The following GALNT13 variants were observed in gnomAD, a reference collection of about 807,000 sequenced individuals.
The protein encoded by GALNT13 is UDP-GalNAc:polypeptide N-acetylgalactosaminyltransferase 13.
In GALNT13, 28 loss-of-function variants were observed where a neutral mutation model predicts 64.2. That is an observed-to-expected ratio of 0.44 (90% CI 0.32 to 0.60). The LOEUF is 0.60. GALNT13 is among the 20% of genes least tolerant of loss of function. The probability of loss-of-function intolerance (pLI) is 0.05; values close to 1 mark genes in which losing one functional copy is unlikely to be tolerated. For synonymous variants in GALNT13, 214 were observed against 224.6 expected, an observed-to-expected ratio of 0.95 and a Z score of 0.42; for missense variants, 577 against 669.8, an observed-to-expected ratio of 0.86 and a Z score of 1.53.
Position 153,996,178 on chromosome 2 carries a change from T to C in GALNT13, c.142+51539T>C, listed in dbSNP as rs139350775. Among the ~76,000 whole-genome samples the C allele has an allele frequency of 2.7e-3, 413 of 152,308 alleles. 2 individuals are homozygous for C. The highest frequency in any genetic ancestry group is 6.8e-3 in the Middle Eastern group (2 of 294). Reference sequence around the variant, plus strand: ...CTTCAGCATACTGATTTCATTTTCTTTGGATAAATACCCAGTAATGAAATT... The same window carrying C: ...CTTCAGCATACTGATTTCATTTTCTCTGGATAAATACCCAGTAATGAAATT... On this transcript the variant is annotated intron_variant, in intron 3 of 12. Transcript: ENST00000392825.
chr2:153,731,386 C>T, the GALNT13 span, among the ~76,000 whole-genome samples: 1 of 151,746 alleles, frequency 6.6e-6, no homozygotes, highest in African/African-American at 2.4e-5. Flanking sequence ...AAATTATCTA[C>T]TGGGTACAAT....
the GALNT13 span, among the ~76,000 whole-genome samples, chr2:153,078,861 A>T: frequency 1.3e-5 from 2 of 152,048 alleles, no homozygotes; most frequent in African/African-American, 4.8e-5. Flanking sequence ...TGATTATATA[A>T]TTTCTTAATA....
chr2:154,185,525 T>G (rs562304397), intron 4 of GALNT13, among the ~76,000 whole-genome samples: 6 of 152,018 alleles, frequency 3.9e-5, no homozygotes, highest in South Asian at 4.1e-4. Flanking sequence ...CCCTATAGGT[T>G]TTCTTCACTT....
At chr2:153,226,759 A>G in the GALNT13 span, among the ~76,000 whole-genome samples, 4 of 152,240 alleles carry the variant, frequency 2.6e-5, no homozygotes, top group Admixed American at 2.0e-4. Flanking sequence ...CACTAAAACC[A>G]AAAGAGAACA....
At chr2:153,118,834 G>A in the GALNT13 span, among the ~76,000 whole-genome samples, 1 of 152,120 alleles carries the variant, frequency 6.6e-6, no homozygotes, top group African/African-American at 2.4e-5. Context: ...TTGAAGTACA[G>A]AGAGGTTAAA....
chr2:153,646,690 C>T, the GALNT13 span, among the ~76,000 whole-genome samples: 2 of 152,028 alleles, frequency 1.3e-5, no homozygotes, highest in African/African-American at 4.8e-5. Flanking sequence ...TCAATTCCCG[C>T]CTATGAGTGA....
intron 11 of GALNT13, among the ~76,000 whole-genome samples, chr2:154,417,521 A>ATTTTTTTTTTTTTTTT (rs1238225224): frequency 2.2e-5 from 3 of 139,052 alleles, no homozygotes; most frequent in Non-Finnish European, 3.1e-5. Context: ...TTATTTATTT[A>ATTTTTTTTTTTTTTTT]TTTTTTTGAG....
intron 4 of GALNT13, among the ~76,000 whole-genome samples, chr2:154,197,957 T>C (rs528216662): frequency 6.6e-6 from 1 of 151,090 alleles, no homozygotes; most frequent in African/African-American, 2.4e-5. Flanking sequence ...AAAACCGTAA[T>C]AAACCCCATT....
intron 3 of GALNT13, among the ~76,000 whole-genome samples, chr2:154,016,874 AAG>A (rs1697045129): frequency 6.6e-6 from 1 of 152,238 alleles, no homozygotes; most frequent in African/African-American, 2.4e-5. Context: ...GTTGAAAAGA[AAG>A]AGTGATCGGT....
At chr2:154,394,844 A>G (rs1015471655) in intron 9 of GALNT13, among the ~76,000 whole-genome samples, 8 of 152,228 alleles carry the variant, frequency 5.3e-5, no homozygotes, top group Non-Finnish European at 1.0e-4. Context: ...TGGCTGCTTC[A>G]GCATCAGAAT....
In GALNT13 at chr2:153,912,503, G is replaced by A. The variant is rs542800642; in HGVS notation, c.-105+11496G>A. 4.6e-5 allele frequency among the ~76,000 whole-genome samples: 7 copies of A among 152,226 alleles called. No homozygotes were observed. The South Asian group carries it at 1.5e-3, about 32-fold the overall frequency. On this transcript the variant is annotated intron_variant, in intron 2 of 12. Coordinates refer to ENST00000392825, the MANE Select transcript of GALNT13 (RefSeq NM_052917.4). ...CTCTTGCTTTTTTTGAGCTGTCAGA[G>A]TTCTTGTGCTGGTTCTTTCTCATCT...
intron 9 of GALNT13, among the ~76,000 whole-genome samples, chr2:154,360,732 G>A (rs909558917): frequency 1.3e-5 from 2 of 152,052 alleles, no homozygotes; most frequent in Admixed American, 1.3e-4. Context: ...GTAACATACT[G>A]TGTACTAGAA....
intron 8 of GALNT13, among the ~76,000 whole-genome samples, chr2:154,280,928 C>T (rs941109879): frequency 1.3e-5 from 2 of 152,174 alleles, no homozygotes; most frequent in African/African-American, 4.8e-5. Context: ...CATCCACATA[C>T]AATTTTTTTC....
At chr2:153,310,425 T>C in the GALNT13 span, among the ~76,000 whole-genome samples, 1 of 152,246 alleles carries the variant, frequency 6.6e-6, no homozygotes, top group African/African-American at 2.4e-5. Flanking sequence ...ATGCAGACTT[T>C]TCCCCATATT....
chr2:153,187,265 T>C, the GALNT13 span, among the ~76,000 whole-genome samples: 1 of 152,198 alleles, frequency 6.6e-6, no homozygotes, highest in Non-Finnish European at 1.5e-5. Flanking sequence ...CTGAGTTTCT[T>C]GTGAAATGAG....
intron 4 of GALNT13, among the ~76,000 whole-genome samples, chr2:154,212,895 A>G (rs892546477): frequency 2.6e-5 from 4 of 151,884 alleles, no homozygotes; most frequent in Non-Finnish European, 4.4e-5. Context: ...ATTAATCTCA[A>G]TGGTAGAAAT....
At chr2:154,420,586 A>G (rs1206061739) in intron 11 of GALNT13, among the ~76,000 whole-genome samples, 2 of 152,116 alleles carry the variant, frequency 1.3e-5, no homozygotes, top group Non-Finnish European at 2.9e-5. Flanking sequence ...TTTTAATTAA[A>G]TGATTTGAAT....
At chr2:153,778,703 C>T in the GALNT13 span, among the ~76,000 whole-genome samples, 1 of 152,208 alleles carries the variant, frequency 6.6e-6, no homozygotes, top group Non-Finnish European at 1.5e-5. Context: ...TCCAACTCTT[C>T]TCAATCTCTA....
chr2:153,255,428 G>A, the GALNT13 span, among the ~76,000 whole-genome samples: 1 of 139,654 alleles, frequency 7.2e-6, no homozygotes, highest in African/African-American at 2.8e-5. Flanking sequence ...TATCCAATTT[G>A]CCAGTCTGTG....
Sources: gnomAD v4.1 joint callset for allele counts (sites outside exome capture counted in the v4.1 genomes callset) on GRCh38, gnomAD v4.1.1 for gene constraint, MANE v1.5 for transcripts, NCBI Gene and HGNC (gene_info 2026-07-23, HGNC 2026-07-21) for gene names.